RPS6KA6: variants seen among roughly 807,000 people sequenced by gnomAD.
RPS6KA6 encodes ribosomal protein S6 kinase alpha-6.
Under a neutral mutation model 65.4 loss-of-function variants are expected in RPS6KA6, and 27 were observed. The ratio of observed to expected loss-of-function variants is 0.41; its 90% CI spans 0.30 to 0.57. The LOEUF (loss-of-function observed/expected upper bound fraction) is 0.57. Ranked by LOEUF, RPS6KA6 falls within the 20% of genes least tolerant of loss-of-function variation. The probability of loss-of-function intolerance (pLI) is 0.24; values close to 1 mark genes in which losing one functional copy is unlikely to be tolerated. For missense variants in RPS6KA6, 486 were observed against 555.6 expected (o/e 0.87, Z 1.26); for synonymous variants, 190 against 184.2 (o/e 1.03, Z -0.26).
chrX:84,075,231 C>T (rs1423901904), intron 20 of RPS6KA6, among the ~76,000 whole-genome samples: 1 of 107,671 alleles, frequency 9.3e-6, no homozygotes, highest in Non-Finnish European at 1.9e-5. Context: ...GACTCCGTCG[C>T]AAAACAAACA....
At chrX:84,087,047 C>A (rs2033938702) in intron 20 of RPS6KA6, among the ~76,000 whole-genome samples, 1 of 111,170 alleles carries the variant, frequency 9.0e-6, no homozygotes. Context: ...CTCTGTGTGT[C>A]TTCGCAGGTG....
chrX:84,108,939 C>T (rs1473450654), intron 12 of RPS6KA6, among the ~76,000 whole-genome samples: 2 of 112,139 alleles, frequency 1.8e-5, no homozygotes, highest in African/African-American at 6.5e-5. Flanking sequence ...GGGTCTACAG[C>T]ACAGCTGCCC....
chrX:84,069,403 A>G (rs979260135), intron 20 of RPS6KA6, among the ~76,000 whole-genome samples: 10 of 112,155 alleles, frequency 8.9e-5, no homozygotes, highest in African/African-American at 3.2e-4. Context: ...CACCTTATAT[A>G]AAAATTAACT....
At chrX:84,132,661 A>C (rs1381355188) in intron 8 of RPS6KA6, among the ~76,000 whole-genome samples, 1 of 108,645 alleles carries the variant, frequency 9.2e-6, no homozygotes, top group African/African-American at 3.3e-5. Context: ...AAAAAACTTA[A>C]GTTTTATAAT....
intron 18 of RPS6KA6, among the ~76,000 whole-genome samples, chrX:84,101,433 C>T (rs1331418586): frequency 9.1e-6 from 1 of 110,460 alleles, no homozygotes; most frequent in Non-Finnish European, 1.9e-5. Flanking sequence ...AAGAGCATCA[C>T]CTTTCCTGAT....
intron 20 of RPS6KA6, among the ~76,000 whole-genome samples, chrX:84,089,033 G>A (rs945681677): frequency 2.7e-5 from 3 of 110,762 alleles, no homozygotes; most frequent in Non-Finnish European, 5.7e-5. Context: ...CCTCCCACCA[G>A]GGGCTCCATC....
intron 20 of RPS6KA6, among the ~76,000 whole-genome samples, chrX:84,080,008 T>C (rs753707340): frequency 9.0e-6 from 1 of 111,557 alleles, no homozygotes; most frequent in Admixed American, 9.5e-5. Flanking sequence ...AGTAGGTCCC[T>C]GGCCCCCGTG....
chrX:84,130,970 C>A (rs2034885728), intron 8 of RPS6KA6, among the ~76,000 whole-genome samples: 1 of 111,840 alleles, frequency 8.9e-6, no homozygotes, highest in Admixed American at 9.5e-5. Context: ...ACTATACATA[C>A]AACAAAAGTG....
At chrX:84,159,794 C>T (rs2035482364) in intron 2 of RPS6KA6, among the ~76,000 whole-genome samples, 1 of 110,430 alleles carries the variant, frequency 9.1e-6, no homozygotes, top group Admixed American at 9.7e-5. Flanking sequence ...TAAAATGAGG[C>T]CATATGGGTG....
rs1448053614 is a variant in RPS6KA6, at chrX:84,064,035, G to A, written c.*242C>T. 3 of 296,178 alleles carry A rather than the reference G, an allele frequency of 1.0e-5. No individual in the cohort carries two copies. Among genetic ancestry groups the A allele is most frequent in the African/African-American group, 8.1e-5 (3 of 36,925 alleles). The allele number at this position is 296,178 out of a possible 1,213,427, so 24.4% of individuals were successfully genotyped here. A position where few individuals can be genotyped will look rare whatever the true frequency, so the allele number is the denominator to read the frequency against. On this transcript the variant is annotated 3_prime_UTR_variant, in exon 22 of 22. Coordinates refer to ENST00000262752, the MANE Select transcript of RPS6KA6 (RefSeq NM_014496.5). The stretch of plus-strand genomic sequence containing the variant: ...AGAAGCTTGTGTGCAGAGAAGTTGT[G>A]AGGACCTGGTGGACACCAATTATAT...
At chrX:84,155,194 C>T (rs1481990097) in intron 3 of RPS6KA6, among the ~76,000 whole-genome samples, 3 of 110,707 alleles carry the variant, frequency 2.7e-5, no homozygotes, top group Admixed American at 9.7e-5. Context: ...AGAGCAAGAC[C>T]CCATTTCTAA....
Position 84,148,112 on chromosome X carries a change from A to G in RPS6KA6, c.270T>C (p.Val90=), listed in dbSNP as rs757628309. ...CAGCATCAGGACCGGTCTTCTTTCT[A>G]ACAAGAAAAACCTAATAGAAAATTG... ...GQGSFGKVFL[V]RKKTGPDAGQ... The change falls in exon 4 of 22, where the codon GTT becomes GTC. Residue 90 remains valine, a synonymous_variant. Transcript: ENST00000262752. 86 of 1,161,392 alleles carry G rather than the reference A, an allele frequency of 7.4e-5. No homozygotes were observed. Among genetic ancestry groups the G allele is most frequent in the Non-Finnish European group, 9.8e-5 (85 of 863,569 alleles).
chrX:84,171,197 C>G (rs954851517), intron 1 of RPS6KA6, among the ~76,000 whole-genome samples: 1 of 111,111 alleles, frequency 9.0e-6, no homozygotes, highest in Non-Finnish European at 1.9e-5. Context: ...GGAATCGAAG[C>G]AGAGGACCAA....
In RPS6KA6 at chrX:84,117,021, T is replaced by C. The variant is rs189920520; in HGVS notation, c.949+39A>G. The C allele has an allele frequency of 2.7e-4, 227 of 842,355 alleles. 2 individuals are homozygous for C. In the East Asian group the frequency reaches 6.7e-3, roughly 25 times the overall value. 69.4% of individuals were successfully genotyped at this position (842,355 alleles called of 1,213,427 possible). ...AAGATTTAATTATCCTCCCAAAACA[T>C]GCAGTTACTTCTATAAAAGCTAAGA... On this transcript the variant is annotated intron_variant, in intron 11 of 21. Transcript: ENST00000262752.
At chrX:84,097,088 T>G (rs1420106647) in intron 19 of RPS6KA6, among the ~76,000 whole-genome samples, 1 of 111,334 alleles carries the variant, frequency 9.0e-6, no homozygotes, top group Non-Finnish European at 1.9e-5. Flanking sequence ...CTAAATGCAC[T>G]CTTTAAAATA....
At chrX:84,163,531 C>T (rs995162130) in intron 2 of RPS6KA6, among the ~76,000 whole-genome samples, 6 of 102,314 alleles carry the variant, frequency 5.9e-5, no homozygotes, top group East Asian at 3.2e-4. Context: ...CCCAGCTACT[C>T]GGGAGGCTGA....
At chrX:84,143,361 A>G (rs1005505947) in intron 6 of RPS6KA6, among the ~76,000 whole-genome samples, 7 of 111,312 alleles carry the variant, frequency 6.3e-5, no homozygotes, top group Admixed American at 5.7e-4. Context: ...GTTTGGCTAG[A>G]CTGTGGGAAA....
chrX:84,133,429 C>T (rs2034938240), intron 8 of RPS6KA6, among the ~76,000 whole-genome samples: 1 of 111,484 alleles, frequency 9.0e-6, no homozygotes, highest in Non-Finnish European at 1.9e-5. Context: ...ACATTTCTTC[C>T]TGTTACATGC....
At chrX:84,126,685 C>G (rs906527977) in intron 8 of RPS6KA6, among the ~76,000 whole-genome samples, 2 of 111,182 alleles carry the variant, frequency 1.8e-5, no homozygotes, top group African/African-American at 6.5e-5. Flanking sequence ...ACGTCAACAA[C>G]AAGAGGAATT....
Sources: gnomAD v4.1 joint callset for allele counts (sites outside exome capture counted in the v4.1 genomes callset) on GRCh38, gnomAD v4.1.1 for gene constraint, MANE v1.5 for transcripts, NCBI Gene and HGNC (gene_info 2026-07-23, HGNC 2026-07-21) for gene names.